Variants in NRXN3 observed in about 807,000 individuals in gnomAD.
NRXN3 encodes neurexin 3, also known as neurexin III.
In NRXN3, 32 loss-of-function variants were observed where a neutral mutation model predicts 137.6. The observed-to-expected ratio is 0.23, with a 90% CI of 0.18 to 0.31. The LOEUF (loss-of-function observed/expected upper bound fraction) is 0.31, where lower values mean the gene tolerates loss of function less well. Ranked by LOEUF, NRXN3 falls within the 10% of genes least tolerant of loss-of-function variation. The pLI, the probability that NRXN3 is intolerant of heterozygous loss-of-function variation, is 1.00. For missense variants in NRXN3, 1,574 were observed against 2,062.5 expected, an observed-to-expected ratio of 0.76 and a Z score of 4.59; for synonymous variants, 798 against 784.5, an observed-to-expected ratio of 1.02 and a Z score of -0.29.
At chr14:79,452,362 T>C (rs2153588039) in intron 15 of NRXN3, among the ~76,000 whole-genome samples, 1 of 152,310 alleles carries the variant, frequency 6.6e-6, no homozygotes, top group South Asian at 2.1e-4. Context: ...ACATCCATCA[T>C]AATAAATCTT....
intron 10 of NRXN3, among the ~76,000 whole-genome samples, chr14:78,858,791 T>C (rs2099064460): frequency 6.6e-6 from 1 of 152,264 alleles, no homozygotes; most frequent in African/African-American, 2.4e-5. Context: ...TTTGAAGTGT[T>C]TGTTCCTGGT....
intron 16 of NRXN3, among the ~76,000 whole-genome samples, chr14:79,631,492 C>T (rs887461875): frequency 7.2e-5 from 11 of 152,168 alleles, no homozygotes; most frequent in African/African-American, 2.4e-4. Context: ...ACTGGGCGCT[C>T]GCTGGCAGGC....
intron 6 of NRXN3, among the ~76,000 whole-genome samples, chr14:78,653,194 T>A (rs898347455): frequency 1.3e-5 from 2 of 152,206 alleles, no homozygotes; most frequent in African/African-American, 2.4e-5. Flanking sequence ...TTCTGCTGGC[T>A]TCAGAGATTT....
chr14:78,430,086 A>C (rs2093818264), intron 4 of NRXN3, among the ~76,000 whole-genome samples: 1 of 152,120 alleles, frequency 6.6e-6, no homozygotes, highest in Non-Finnish European at 1.5e-5. Context: ...ATGTTTAAAA[A>C]AATTAGCTGG....
At chr14:79,279,959 G>C (rs2080984819) in intron 15 of NRXN3, 1 of 1,138,044 alleles carries the variant, frequency 8.8e-7, no homozygotes, top group Non-Finnish European at 1.1e-6. Flanking sequence ...GAAGTGCCTA[G>C]AGATCCGGAG....
chr14:78,259,662 G>C (rs1314387643), intron 2 of NRXN3, among the ~76,000 whole-genome samples: 1 of 152,180 alleles, frequency 6.6e-6, no homozygotes, highest in African/African-American at 2.4e-5. Flanking sequence ...TGCTTGGAAA[G>C]ACAGCAAAAT....
chr14:79,676,857 G>A (rs536863742), intron 17 of NRXN3, among the ~76,000 whole-genome samples: 2 of 152,066 alleles, frequency 1.3e-5, no homozygotes, highest in East Asian at 3.9e-4. Context: ...TACCAGAATA[G>A]AAAGCATATA....
At chr14:79,712,426 C>T (rs1454643799) in intron 19 of NRXN3, among the ~76,000 whole-genome samples, 1 of 152,186 alleles carries the variant, frequency 6.6e-6, no homozygotes, top group East Asian at 1.9e-4. Context: ...GTAATATCGC[C>T]TATTGAAAAC....
intron 15 of NRXN3, among the ~76,000 whole-genome samples, chr14:78,998,418 A>T (rs1196172022): frequency 6.6e-6 from 1 of 152,094 alleles, no homozygotes; most frequent in Non-Finnish European, 1.5e-5. Context: ...CAACTGTTTT[A>T]TTTATTCATT....
intron 11 of NRXN3, among the ~76,000 whole-genome samples, chr14:78,962,710 TTTTC>T (rs1238492904): frequency 2.0e-5 from 3 of 149,856 alleles, no homozygotes; most frequent in South Asian, 2.1e-4. Flanking sequence ...TTTCTTTCCT[TTTTC>T]TTTCTTTCTT....
chr14:79,074,299 G>T (rs2045612113), intron 15 of NRXN3, among the ~76,000 whole-genome samples: 1 of 152,138 alleles, frequency 6.6e-6, no homozygotes, highest in Non-Finnish European at 1.5e-5. Context: ...TGATCAAAAT[G>T]ATAATGTACT....
At chr14:79,565,285 ACG>A (rs1489297232) in intron 16 of NRXN3, among the ~76,000 whole-genome samples, 1 of 137,878 alleles carries the variant, frequency 7.3e-6, no homozygotes, top group Non-Finnish European at 1.6e-5. Flanking sequence ...GTATACATAT[ACG>A]CACACATGTG....
chr14:78,686,983 G>A (rs905828221), intron 6 of NRXN3, among the ~76,000 whole-genome samples: 3 of 152,054 alleles, frequency 2.0e-5, no homozygotes, highest in African/African-American at 7.2e-5. Flanking sequence ...TATATATGGT[G>A]GTATAAATGC....
intron 8 of NRXN3, among the ~76,000 whole-genome samples, chr14:78,740,147 T>C (rs1464958325): frequency 6.6e-6 from 1 of 152,202 alleles, no homozygotes; most frequent in Non-Finnish European, 1.5e-5. Flanking sequence ...ACTTTTAAAC[T>C]CTCAGAGCCC....
At chr14:78,583,754 A>T (rs940663969) in intron 4 of NRXN3, among the ~76,000 whole-genome samples, 1 of 152,122 alleles carries the variant, frequency 6.6e-6, no homozygotes, top group Non-Finnish European at 1.5e-5. Flanking sequence ...AGGGTGTTCA[A>T]AGCAGCATGA....
chr14:78,337,273 C>G (rs1567299253), intron 4 of NRXN3, among the ~76,000 whole-genome samples: 2 of 152,104 alleles, frequency 1.3e-5, no homozygotes. Flanking sequence ...ATTACATGAC[C>G]TCCCTGCCTT....
intron 2 of NRXN3, among the ~76,000 whole-genome samples, chr14:78,247,706 G>C (rs2067901764): frequency 1.3e-5 from 2 of 152,188 alleles, no homozygotes; most frequent in Admixed American, 6.5e-5. Flanking sequence ...TTGAAGCTCA[G>C]TAGCTAATGA....
At chr14:79,557,988 G>A (rs113893662) in intron 16 of NRXN3, among the ~76,000 whole-genome samples, 6 of 151,938 alleles carry the variant, frequency 3.9e-5, no homozygotes, top group South Asian at 2.1e-4. Context: ...CAGTGTTCAC[G>A]ACATGTTTAC....
intron 15 of NRXN3, among the ~76,000 whole-genome samples, chr14:79,381,075 T>G (rs2094456757): frequency 6.6e-6 from 1 of 152,072 alleles, no homozygotes; most frequent in South Asian, 2.1e-4. Context: ...TACATTAATG[T>G]GTCAACAGTG....
Sources: allele counts gnomAD v4.1 joint callset (sites outside exome capture counted in the v4.1 genomes callset), GRCh38; gene constraint gnomAD v4.1.1; transcripts MANE v1.5; gene names NCBI Gene and HGNC (gene_info 2026-07-23, HGNC 2026-07-21).